The following DNAH7 variants were observed in gnomAD, a reference collection of about 807,000 sequenced individuals.
The protein encoded by DNAH7 is axonemal beta dynein heavy chain 7.
A neutral mutation model predicts 444.6 loss-of-function variants in DNAH7; 397 were observed. That is an observed-to-expected ratio of 0.89 (90% confidence interval 0.82 to 0.97). The LOEUF (loss-of-function observed/expected upper bound fraction) is 0.97. DNAH7 is among the 50% of genes least tolerant of loss of function. DNAH7 has a pLI of 0.00. For synonymous variants in DNAH7, 1,636 were observed against 1,624.4 expected (o/e 1.01, Z -0.17); for missense variants, 4,902 against 4,800.8 (o/e 1.02, Z -0.62).
chr2:195,930,243 G>A (rs189977878), intron 21 of DNAH7, among the ~76,000 whole-genome samples: 68 of 152,306 alleles, frequency 4.5e-4, no homozygotes, highest in Middle Eastern at 3.4e-3. Flanking sequence ...CTCAGGAGCT[G>A]AGACAGAAGA....
intron 63 of DNAH7, among the ~76,000 whole-genome samples, chr2:195,746,115 C>T: frequency 6.6e-6 from 1 of 152,052 alleles, no homozygotes. Flanking sequence ...ATCTCACGTG[C>T]AGAGACACAT....
chr2:195,745,505 C>T (rs1435817068), intron 63 of DNAH7, among the ~76,000 whole-genome samples: 4 of 152,162 alleles, frequency 2.6e-5, no homozygotes, highest in East Asian at 1.9e-4. Context: ...ATACAGAGAA[C>T]GCCACAAAGA....
At chr2:195,773,740 AC>A (rs1187753467) in intron 60 of DNAH7, among the ~76,000 whole-genome samples, 1 of 152,188 alleles carries the variant, frequency 6.6e-6, no homozygotes, top group Non-Finnish European at 1.5e-5. Flanking sequence ...AGAAAGTTTA[AC>A]CTTTTCAGAG....
rs996848899 is a variant in DNAH7 at position 195,739,501 on chromosome 2, CTTAA to C, written c.11868+1261_11868+1264del. On this transcript the variant is annotated intron_variant, in intron 64 of 64. Coordinates refer to ENST00000312428, the MANE Select transcript of DNAH7 (RefSeq NM_018897.3). ...CTCATGATGCAGTTATAGATTGAAT[CTTAA>C]TTATATTTTACAAAGCTTAATCTGC... Among the ~76,000 whole-genome samples, 5 of 152,278 alleles carry C rather than the reference CTTAA, an allele frequency of 3.3e-5. No individual in the cohort carries two copies. The East Asian group carries it at 9.6e-4, about 29-fold the overall frequency.
intron 29 of DNAH7, among the ~76,000 whole-genome samples, chr2:195,896,984 T>C (rs974742133): frequency 2.0e-5 from 3 of 152,200 alleles, no homozygotes; most frequent in Non-Finnish European, 2.9e-5. Context: ...ACTAGATTCC[T>C]ATATCTGGAA....
intron 8 of DNAH7, among the ~76,000 whole-genome samples, chr2:196,019,841 G>C (rs926135220): frequency 1.1e-4 from 17 of 152,180 alleles, no homozygotes; most frequent in African/African-American, 3.6e-4. Context: ...GTTAACCCTT[G>C]AATAACACAG....
intron 63 of DNAH7, among the ~76,000 whole-genome samples, chr2:195,753,838 T>G (rs1693933422): frequency 1.3e-5 from 2 of 152,154 alleles, no homozygotes; most frequent in African/African-American, 4.8e-5. Flanking sequence ...AGTTTTGGAA[T>G]GTTAAGCTAT....
At chr2:196,039,781 T>A (rs1696624626) in intron 5 of DNAH7, among the ~76,000 whole-genome samples, 1 of 146,338 alleles carries the variant, frequency 6.8e-6, no homozygotes. Context: ...AGAGTGAGAT[T>A]CTGCCTCAAA....
chr2:195,739,732 C>T (rs1297243373), intron 64 of DNAH7, among the ~76,000 whole-genome samples: 1 of 152,282 alleles, frequency 6.6e-6, no homozygotes, highest in South Asian at 2.1e-4. Flanking sequence ...TATTTCTAAT[C>T]CTAAAATCAA....
chr2:195,922,830 T>G (rs1261051380), intron 23 of DNAH7, among the ~76,000 whole-genome samples: 1 of 152,042 alleles, frequency 6.6e-6, no homozygotes, highest in Non-Finnish European at 1.5e-5. Flanking sequence ...GTAAAAACCA[T>G]GTTTCTGGCT....
At chr2:195,916,250 G>A (rs1191938385) in intron 24 of DNAH7, among the ~76,000 whole-genome samples, 24 of 152,154 alleles carry the variant, frequency 1.6e-4, no homozygotes, top group Admixed American at 1.6e-3. Context: ...TAGATATGAT[G>A]CCAAAAAGCA....
At chr2:195,760,553 C>T (rs1574388621) in intron 61 of DNAH7, among the ~76,000 whole-genome samples, 1 of 152,190 alleles carries the variant, frequency 6.6e-6, no homozygotes, top group East Asian at 1.9e-4. Context: ...ACCCCTCCTC[C>T]AGCTTCAAGC....
chr2:195,947,242 C>T (rs936157556), intron 19 of DNAH7, among the ~76,000 whole-genome samples: 10 of 151,524 alleles, frequency 6.6e-5, no homozygotes, highest in Non-Finnish European at 1.3e-4. Context: ...GGTAATCCAC[C>T]GCCTTGGCCT....
rs4850642 is a variant in DNAH7 at position 195,834,068 on chromosome 2, G to A, written c.9100+138C>T. The A allele has an allele frequency of 4.0e-4, 325 of 818,464 alleles. 1 individual carries two copies. The East Asian group carries it at 7.6e-3, about 19-fold the overall frequency. 50.7% of individuals were successfully genotyped at this position (818,464 alleles called of 1,614,324 possible). ...CAAAAAATACAAAAATTAGCCAAGC[G>A]TGGGGGCATGTGCCTGTAGTCTCAG... is the stretch of plus-strand genomic sequence containing the variant. On this transcript the variant is annotated intron_variant, in intron 48 of 64. Transcript: ENST00000312428.
chr2:195,906,236 A>G (rs1183369501), intron 27 of DNAH7, among the ~76,000 whole-genome samples: 1 of 152,084 alleles, frequency 6.6e-6, no homozygotes, highest in Non-Finnish European at 1.5e-5. Context: ...AATTAGCACT[A>G]TTTTAAAAAT....
chr2:195,991,808 TTAAAG>T (rs2125652178), intron 12 of DNAH7, among the ~76,000 whole-genome samples: 1 of 152,328 alleles, frequency 6.6e-6, no homozygotes, highest in South Asian at 2.1e-4. Context: ...TACTTAGAAC[TTAAAG>T]TAATGCAAAA....
At chr2:195,898,303 T>C (rs1702453926) in intron 28 of DNAH7, among the ~76,000 whole-genome samples, 1 of 152,168 alleles carries the variant, frequency 6.6e-6, no homozygotes, top group Non-Finnish European at 1.5e-5. Context: ...TTGTGTTCTG[T>C]TTTTGTTTTT....
intron 57 of DNAH7, among the ~76,000 whole-genome samples, chr2:195,789,846 A>G (rs1488964872): frequency 6.6e-6 from 1 of 152,206 alleles, no homozygotes; most frequent in African/African-American, 2.4e-5. Flanking sequence ...AAAAGAAAAA[A>G]TAAAAGACAT....
Position 195,875,663 on chromosome 2 carries a change from C to CA in DNAH7, c.6286+11dup, listed in dbSNP as rs748498457. ...TTTTCCATCTTAGTAATCACAAACTCAAAAAATGTACCTGGAGGTCCCATA... is the reference window on the plus strand; with the variant it reads ...TTTTCCATCTTAGTAATCACAAACTCAAAAAAATGTACCTGGAGGTCCCATA... On this transcript the variant is annotated intron_variant, in intron 38 of 64. Transcript: ENST00000312428. The CA allele has an allele frequency of 1.2e-5, 19 of 1,543,966 alleles. No individual in the cohort carries two copies. In the Admixed American group the frequency reaches 2.5e-4, roughly 21 times the overall value.
Sources: gnomAD v4.1 joint callset for allele counts (sites outside exome capture counted in the v4.1 genomes callset) on GRCh38, gnomAD v4.1.1 for gene constraint, MANE v1.5 for transcripts, NCBI Gene and HGNC (gene_info 2026-07-23, HGNC 2026-07-21) for gene names.